Variants in RUNX2 observed in about 807,000 individuals in gnomAD.
The protein encoded by RUNX2 is runt-related transcription factor 2.
In RUNX2, 10 loss-of-function variants were observed where a neutral mutation model predicts 51.7. That is an observed-to-expected ratio of 0.19 (90% confidence interval 0.12 to 0.33). The LOEUF is 0.33. Ranked by LOEUF, RUNX2 falls within the 10% of genes least tolerant of loss-of-function variation. The probability of loss-of-function intolerance (pLI) is 1.00; values close to 1 mark genes in which losing one functional copy is unlikely to be tolerated. For synonymous variants in RUNX2, 276 were observed against 273.6 expected, an observed-to-expected ratio of 1.01 and a Z score of -0.09; for missense variants, 562 against 691.3, an observed-to-expected ratio of 0.81 and a Z score of 2.10.
intron 6 of RUNX2, among the ~76,000 whole-genome samples, chr6:45,510,785 A>C (rs894714458): frequency 2.6e-5 from 4 of 151,894 alleles, no homozygotes; most frequent in Admixed American, 1.3e-4. Flanking sequence ...ATGCCTATTA[A>C]GTCTATTTTG....
chr6:45,504,120 G>A (rs1800882834), intron 6 of RUNX2, among the ~76,000 whole-genome samples: 1 of 152,124 alleles, frequency 6.6e-6, no homozygotes, highest in South Asian at 2.1e-4. Context: ...GTTGGAGAAG[G>A]CCCTTGGTGG....
chr6:45,497,477 A>G (rs986713658), intron 6 of RUNX2, among the ~76,000 whole-genome samples: 6 of 151,874 alleles, frequency 4.0e-5, no homozygotes, highest in Non-Finnish European at 8.8e-5. Flanking sequence ...TTATTTTTTT[A>G]TTTTAAATTA....
chr6:45,437,549 G>A (rs904202769), intron 4 of RUNX2, among the ~76,000 whole-genome samples: 3 of 152,220 alleles, frequency 2.0e-5, no homozygotes, highest in Admixed American at 6.5e-5. Flanking sequence ...TTGTTCTCTC[G>A]TGAGGTCATG....
intron 2 of RUNX2, among the ~76,000 whole-genome samples, chr6:45,417,538 T>A (rs1037285949): frequency 5.3e-5 from 8 of 152,266 alleles, no homozygotes; most frequent in African/African-American, 1.7e-4. Flanking sequence ...CTGAACCACA[T>A]GCACACCCAT....
chr6:45,455,708 A>G (rs1302526943), intron 5 of RUNX2, among the ~76,000 whole-genome samples: 1 of 152,188 alleles, frequency 6.6e-6, no homozygotes, highest in Non-Finnish European at 1.5e-5. Flanking sequence ...CAAGGTAAAG[A>G]GAGACTCCCG....
Position 45,548,891 on chromosome 6 carries a change from A to C in RUNX2, c.*1586A>C. 1 of 361,224 alleles carries C rather than the reference A, an allele frequency of 2.8e-6. No homozygotes were observed. Among genetic ancestry groups the C allele is most frequent in the Non-Finnish European group, 4.9e-6 (1 of 202,474 alleles). The allele number at this position is 361,224 out of a possible 1,614,324, so 22.4% of individuals were successfully genotyped here. On this transcript the variant is annotated 3_prime_UTR_variant, in exon 9 of 9. Transcript: ENST00000647337. ...ACAGAATTTGCATTTAGAGGAGCAG[A>C]ATGACATCACTGTCCTTTGGGAGTA...
In RUNX2 at chr6:45,328,403, G is replaced by A; in HGVS notation, c.-124G>A. 2.8e-6 allele frequency: 4 copies of A among 1,415,952 alleles called. No individual in the cohort carries two copies. The highest frequency in any genetic ancestry group is 2.8e-6 in the Non-Finnish European group (3 of 1,054,550). 87.7% of individuals were successfully genotyped at this position (1,415,952 alleles called of 1,614,324 possible). ...TCCAGGAGGACAGCAAGAAGTCTCT[G>A]GTTTTTAAATGGTTAATCTCCGCAG... On this transcript the variant is annotated 5_prime_UTR_variant, in exon 1 of 9. Coordinates refer to ENST00000647337, the MANE Select transcript of RUNX2 (RefSeq NM_001024630.4).
chr6:45,365,376 T>C (rs1794958825), intron 2 of RUNX2: 1 of 962,864 alleles, frequency 1.0e-6, no homozygotes, highest in Admixed American at 2.3e-5. Context: ...AGAAAGCAAA[T>C]ATAAATTACT....
At chr6:45,485,647 G>A (rs1362452365) in intron 5 of RUNX2, among the ~76,000 whole-genome samples, 6 of 146,620 alleles carry the variant, frequency 4.1e-5, no homozygotes, top group African/African-American at 1.3e-4. Flanking sequence ...ATAGATAAGC[G>A]TATATATATG....
At chr6:45,428,411 T>TC (rs1013296959) in intron 3 of RUNX2, among the ~76,000 whole-genome samples, 91 of 151,972 alleles carry the variant, frequency 6.0e-4, no homozygotes, top group African/African-American at 2.0e-3. Context: ...CAACCTTTTC[T>TC]CCCCCTCAGA....
At chr6:45,394,843 A>G (rs1797548659) in intron 2 of RUNX2, among the ~76,000 whole-genome samples, 3 of 152,146 alleles carry the variant, frequency 2.0e-5, no homozygotes, top group Admixed American at 2.0e-4. Flanking sequence ...CTCTGAGCAT[A>G]TTTCAAATGA....
chr6:45,485,709 A>G (rs1800263072), intron 5 of RUNX2, among the ~76,000 whole-genome samples: 2 of 135,604 alleles, frequency 1.5e-5, no homozygotes, highest in African/African-American at 5.3e-5. Context: ...ATATATATAT[A>G]TATATATACA....
At chr6:45,466,822 G>T (rs150892388) in intron 5 of RUNX2, among the ~76,000 whole-genome samples, 4 of 152,118 alleles carry the variant, frequency 2.6e-5, no homozygotes, top group Admixed American at 1.3e-4. Flanking sequence ...TGTAACAAAG[G>T]CTGCTTTGAT....
At chr6:45,544,022 G>A (rs1195253040) in intron 7 of RUNX2, among the ~76,000 whole-genome samples, 2 of 151,036 alleles carry the variant, frequency 1.3e-5, no homozygotes, top group African/African-American at 2.4e-5. Context: ...AATGTTTCAG[G>A]AACATTTCTT....
At chr6:45,455,363 T>C (rs1454940168) in intron 5 of RUNX2, among the ~76,000 whole-genome samples, 1 of 152,230 alleles carries the variant, frequency 6.6e-6, no homozygotes, top group Non-Finnish European at 1.5e-5. Flanking sequence ...AAAATTCTAA[T>C]GTTGATATTT....
At chr6:45,497,160 C>G (rs1421969081) in intron 6 of RUNX2, among the ~76,000 whole-genome samples, 1 of 152,184 alleles carries the variant, frequency 6.6e-6, no homozygotes, top group African/African-American at 2.4e-5. Context: ...AGGGGCTTCC[C>G]TTCTCATGAT....
intron 2 of RUNX2, among the ~76,000 whole-genome samples, chr6:45,338,918 T>C (rs968912936): frequency 3.3e-5 from 5 of 152,136 alleles, no homozygotes; most frequent in Non-Finnish European, 7.4e-5. Flanking sequence ...CTCATACAAA[T>C]TCTAGTCCTG....
chr6:45,443,722 T>A (rs1351870136), intron 5 of RUNX2, among the ~76,000 whole-genome samples: 1 of 152,222 alleles, frequency 6.6e-6, no homozygotes, highest in East Asian at 1.9e-4. Context: ...TATTCCCTTG[T>A]GGTGCTTGGT....
At chr6:45,512,951 G>T (rs189761025) in intron 7 of RUNX2, among the ~76,000 whole-genome samples, 2 of 152,256 alleles carry the variant, frequency 1.3e-5, no homozygotes. Context: ...GCCTCTGAGT[G>T]GCTAACTCAA....
Sources: gnomAD v4.1 joint callset for allele counts (sites outside exome capture counted in the v4.1 genomes callset) on GRCh38, gnomAD v4.1.1 for gene constraint, MANE v1.5 for transcripts, NCBI Gene and HGNC (gene_info 2026-07-23, HGNC 2026-07-21) for gene names.